OARD1: variants seen among roughly 807,000 people sequenced by gnomAD.
OARD1 encodes ADP-ribose glycohydrolase OARD1.
OARD1 carries 19 observed loss-of-function variants against 19.7 expected under a neutral mutation model. The ratio of observed to expected loss-of-function variants is 0.96; its 90% CI spans 0.67 to 1.41. OARD1 has a LOEUF of 1.41. Among genes scored for constraint, OARD1 ranks in the 40% most tolerant of loss-of-function variants. The pLI, the probability that OARD1 is intolerant of heterozygous loss-of-function variation, is 0.00. For missense variants in OARD1, 190 were observed against 183.8 expected, an observed-to-expected ratio of 1.03 and a Z score of -0.20; for synonymous variants, 70 against 61.8, an observed-to-expected ratio of 1.13 and a Z score of -0.62.
chr6:41,068,998 CAAAGA>C (rs777081113), intron 4 of OARD1, 45 bp from the exon 5 acceptor site: 2 of 1,047,382 alleles, frequency 1.9e-6, no homozygotes, highest in East Asian at 2.5e-5. Flanking sequence ...AAATGATAGC[CAAAGA>C]AAAGTCATCA....
upstream of OARD1, among the ~76,000 whole-genome samples, chr6:41,073,574 C>T (rs1763613367): frequency 6.6e-6 from 1 of 151,948 alleles, no homozygotes; most frequent in African/African-American, 2.4e-5. Context: ...CCCCCGCTCC[C>T]CGCTCCCAGC....
intron 1 of OARD1, among the ~76,000 whole-genome samples, chr6:41,086,549 C>T (rs189239172): frequency 3.7e-3 from 562 of 152,106 alleles, no homozygotes; most frequent in Admixed American, 7.7e-3. Flanking sequence ...TGTTGAGTAG[C>T]CATTTTTTAA....
intron 1 of OARD1, among the ~76,000 whole-genome samples, chr6:41,077,864 C>G (rs1763783905): frequency 6.6e-6 from 1 of 152,102 alleles, no homozygotes; most frequent in African/African-American, 2.4e-5. Flanking sequence ...ATGACATAGC[C>G]TGTTATTTAT....
intron 1 of OARD1, chr6:41,094,344 G>C: frequency 2.0e-6 from 3 of 1,494,620 alleles, no homozygotes; most frequent in Non-Finnish European, 2.8e-6. Flanking sequence ...CTAGATAACT[G>C]TGCTGGTTCT....
intron 1 of OARD1, among the ~76,000 whole-genome samples, chr6:41,090,886 A>G (rs1022091780): frequency 6.6e-6 from 1 of 152,238 alleles, no homozygotes; most frequent in Non-Finnish European, 1.5e-5. Flanking sequence ...AGCACCTGTT[A>G]GTCAAATAGT....
At chr6:41,077,940 T>G (rs1763785923) in intron 1 of OARD1, among the ~76,000 whole-genome samples, 1 of 152,214 alleles carries the variant, frequency 6.6e-6, no homozygotes. Context: ...ATTTTTATTT[T>G]GATTAAATTT....
In OARD1 at chr6:41,065,152, T is replaced by C. The variant is rs1762957231; in HGVS notation, c.*2183A>G. The C allele has an allele frequency of 6.6e-6, 1 of 152,204 alleles. No individual in the cohort carries two copies. The highest frequency in any genetic ancestry group is 2.4e-5 in the African/African-American group (1 of 41,448). 9.4% of individuals were successfully genotyped at this position (152,204 alleles called of 1,614,324 possible). ...TCCTGCTAAGTCCCAGAATTCCACT[T>C]ACAGCCAATCCTGAATGAGACTAGG... On this transcript the variant is annotated 3_prime_UTR_variant, in exon 6 of 6. Transcript: ENST00000424266.
At chr6:41,095,893 T>A (rs1346484907) in intron 1 of OARD1, among the ~76,000 whole-genome samples, 1 of 152,256 alleles carries the variant, frequency 6.6e-6, no homozygotes, top group African/African-American at 2.4e-5. Flanking sequence ...CTGACTTAGA[T>A]GTATTTGTTG....
rs539959043 is a variant in OARD1 at position 41,066,415 on chromosome 6, T to G, written c.*920A>C. On this transcript the variant is annotated 3_prime_UTR_variant, in exon 6 of 6. Coordinates refer to ENST00000424266, the MANE Select transcript of OARD1 (RefSeq NM_001329686.2). ...TCTCAAAGTGCTGAGATGACAGGTA[T>G]GAGAATTTTTTGAGAGGAAGTGGCC... 33 of 152,274 alleles carry G rather than the reference T, an allele frequency of 2.2e-4. No individual in the cohort carries two copies. The highest frequency in any genetic ancestry group is 7.9e-4 in the African/African-American group (33 of 41,538). 9.4% of individuals were successfully genotyped at this position (152,274 alleles called of 1,614,324 possible).
intron 5 of OARD1, among the ~76,000 whole-genome samples, chr6:41,068,119 C>A (rs1763119279): frequency 2.6e-5 from 4 of 152,020 alleles, no homozygotes; most frequent in Admixed American, 2.6e-4. Flanking sequence ...GTATGTACAC[C>A]ATAAATATAT....
chr6:41,087,172 A>G (rs546798410), intron 1 of OARD1, among the ~76,000 whole-genome samples: 366 of 152,364 alleles, frequency 2.4e-3, no homozygotes, highest in African/African-American at 8.2e-3. Context: ...AAACTTAGAA[A>G]TGAAGTTGGT....
chr6:41,068,460 G>A (rs929829800), intron 5 of OARD1, among the ~76,000 whole-genome samples: 1 of 152,270 alleles, frequency 6.6e-6, no homozygotes, highest in Non-Finnish European at 1.5e-5. Flanking sequence ...GAGATGGGAA[G>A]TGGTCCAAGA....
Position 41,066,654 on chromosome 6 carries a change from T to C in OARD1, c.*681A>G, listed in dbSNP as rs2114039510. The C allele has an allele frequency of 6.6e-6, 1 of 152,314 alleles. No homozygotes were observed. Among genetic ancestry groups the C allele is most frequent in the East Asian group, 1.9e-4 (1 of 5,174 alleles). 9.4% of individuals were successfully genotyped at this position (152,314 alleles called of 1,614,324 possible). Reference sequence around the variant, plus strand: ...AGATTCTAAAAACCTGCCTTTTGACTTGTCTATTTTTATCTCTTATTTCTC... The same window carrying C: ...AGATTCTAAAAACCTGCCTTTTGACCTGTCTATTTTTATCTCTTATTTCTC... On this transcript the variant is annotated 3_prime_UTR_variant, in exon 6 of 6. Coordinates refer to ENST00000424266, the MANE Select transcript of OARD1 (RefSeq NM_001329686.2).
intron 1 of OARD1, chr6:41,078,963 G>A: frequency 1.5e-6 from 1 of 688,344 alleles, no homozygotes; most frequent in South Asian, 2.0e-5. Context: ...AATTATCCAG[G>A]TTAATTGTCT....
chr6:41,097,553 A>G (rs1764396394), intron 1 of OARD1: 2 of 793,058 alleles, frequency 2.5e-6, no homozygotes, highest in Non-Finnish European at 4.1e-6. Context: ...TAAGTGGCTC[A>G]GTATTACAAT....
intron 1 of OARD1, among the ~76,000 whole-genome samples, chr6:41,072,004 C>G (rs951961088): frequency 1.3e-5 from 2 of 152,240 alleles, no homozygotes; most frequent in African/African-American, 4.8e-5. Context: ...CTCCTTTTCT[C>G]TGCACGACGC....
chr6:41,089,504 T>C lies in OARD1; in HGVS notation c.-42+8209A>G, dbSNP rs140740008. 9.0e-4 allele frequency: 1,266 copies of C among 1,413,388 alleles called. 12 individuals are homozygous for C. The Admixed American group carries it at 0.023, about 26-fold the overall frequency. 87.6% of individuals were successfully genotyped at this position (1,413,388 alleles called of 1,614,324 possible). ...GAACATTTTCTGCTTTCTAGAGAAATGTGGATAACTCTCGGGGACCAAAGG... is the reference window on the plus strand; with the variant it reads ...GAACATTTTCTGCTTTCTAGAGAAACGTGGATAACTCTCGGGGACCAAAGG... On this transcript the variant is annotated intron_variant, in intron 1 of 4. Transcript: ENST00000480585.
intron 1 of OARD1, chr6:41,097,222 A>G (rs1764383353): frequency 2.7e-6 from 2 of 746,518 alleles, no homozygotes; most frequent in Non-Finnish European, 4.7e-6. Flanking sequence ...ATGTATGCAG[A>G]CTTAAGATGT....
In OARD1 at chr6:41,071,937, A is replaced by T. The variant is rs560225399; in HGVS notation, c.-41-262T>A. 8 of 413,170 alleles carry T rather than the reference A, an allele frequency of 1.9e-5. 1 individual carries two copies. The South Asian group carries it at 3.0e-4, about 15-fold the overall frequency. 25.6% of individuals were successfully genotyped at this position (413,170 alleles called of 1,614,324 possible). ...TCAGCGGAAGCAAAGCCCATCCCTA[A>T]GACACGCCTCCTCCTTTCTCCAGGG... On this transcript the variant is annotated intron_variant, in intron 1 of 5. Coordinates refer to ENST00000424266, the MANE Select transcript of OARD1 (RefSeq NM_001329686.2).
Sources: allele counts gnomAD v4.1 joint callset (sites outside exome capture counted in the v4.1 genomes callset), GRCh38; gene constraint gnomAD v4.1.1; transcripts MANE v1.5; gene names NCBI Gene and HGNC (gene_info 2026-07-23, HGNC 2026-07-21).